PRKCB: variants seen among roughly 807,000 people sequenced by gnomAD.
The protein encoded by PRKCB is protein kinase C beta.
In PRKCB, 13 loss-of-function variants were observed where a neutral mutation model predicts 81.5. That is an observed-to-expected ratio of 0.16 (90% CI 0.10 to 0.25). The LOEUF is 0.25. Ranked by LOEUF, PRKCB falls within the 10% of genes least tolerant of loss-of-function variation. PRKCB has a pLI of 1.00. For synonymous variants in PRKCB, 335 were observed against 321.4 expected, an observed-to-expected ratio of 1.04 and a Z score of -0.45; for missense variants, 509 against 875.7, an observed-to-expected ratio of 0.58 and a Z score of 5.29.
Position 24,214,886 on chromosome 16 carries a change from T to A in PRKCB, c.*70T>A. ...AACGGCTATTGTGGTGACATTTTTA[T>A]GTTTTTCATTGCCAAGTTGCATCCA... On this transcript the variant is annotated 3_prime_UTR_variant, in exon 17 of 17. Coordinates refer to ENST00000643927, the MANE Select transcript of PRKCB (RefSeq NM_002738.7). 1 of 1,571,426 alleles carries A rather than the reference T, an allele frequency of 6.4e-7. No homozygotes were observed. The highest frequency in any genetic ancestry group is 8.6e-7 in the Non-Finnish European group (1 of 1,159,110).
At chr16:23,966,562 G>T (rs906860354) in intron 2 of PRKCB, among the ~76,000 whole-genome samples, 2 of 152,058 alleles carry the variant, frequency 1.3e-5, no homozygotes, top group African/African-American at 2.4e-5. Flanking sequence ...TTATCCCTTC[G>T]AATCTAAAAT....
intron 9 of PRKCB, among the ~76,000 whole-genome samples, chr16:24,130,024 C>T (rs912283702): frequency 1.3e-5 from 2 of 152,184 alleles, no homozygotes; most frequent in East Asian, 1.9e-4. Flanking sequence ...CGTCCATCAA[C>T]GCTTTTTTAA....
intron 2 of PRKCB, among the ~76,000 whole-genome samples, chr16:23,921,442 G>A (rs1963823181): frequency 6.6e-6 from 1 of 152,190 alleles, no homozygotes; most frequent in South Asian, 2.1e-4. Flanking sequence ...TCGGTCTCGT[G>A]AGGAGACAGC....
chr16:23,996,031 C>A (rs543123202), intron 3 of PRKCB, among the ~76,000 whole-genome samples: 1 of 152,010 alleles, frequency 6.6e-6, no homozygotes, highest in African/African-American at 2.4e-5. Context: ...AGTGGCCATA[C>A]ATGTGACTAT....
chr16:24,185,234 C>A lies in PRKCB; in HGVS notation c.1614+43C>A, dbSNP rs372943275. On this transcript the variant is annotated intron_variant, in intron 14 of 16. Coordinates refer to ENST00000643927, the MANE Select transcript of PRKCB (RefSeq NM_002738.7). Reference sequence around the variant, plus strand: ...GATCGATAAGAGAAGTCCTCCCTACCCCCATCCACATGGTTTCTTTAGGAG... The same window carrying A: ...GATCGATAAGAGAAGTCCTCCCTACACCCATCCACATGGTTTCTTTAGGAG... 1.1e-4 allele frequency: 168 copies of A among 1,543,380 alleles called. No individual in the cohort carries two copies. The Middle Eastern group carries it at 4.9e-3, about 45-fold the overall frequency.
chr16:24,031,897 G>C, intron 3 of PRKCB: 2 of 343,922 alleles, frequency 5.8e-6, no homozygotes, highest in Non-Finnish European at 1.1e-5. Flanking sequence ...TGCAGGCAGG[G>C]TGAGTGAGCA....
chr16:24,105,664 A>T (rs865800656), intron 7 of PRKCB, among the ~76,000 whole-genome samples: 1 of 152,118 alleles, frequency 6.6e-6, no homozygotes, highest in Non-Finnish European at 1.5e-5. Flanking sequence ...GCTGAGAATG[A>T]TGGTTTCCAG....
chr16:24,174,804 A>G (rs750885251), intron 12 of PRKCB: 16 of 478,102 alleles, frequency 3.3e-5, no homozygotes, highest in Non-Finnish European at 5.6e-5. Flanking sequence ...GTCACCAATG[A>G]TGGTTCAGAG....
chr16:24,046,939 A>AT (rs1231972404), intron 5 of PRKCB, among the ~76,000 whole-genome samples: 1 of 152,206 alleles, frequency 6.6e-6, no homozygotes, highest in African/African-American at 2.4e-5. Context: ...GTGTGGTAGC[A>AT]TGTGGCTATG....
intron 16 of PRKCB, among the ~76,000 whole-genome samples, chr16:24,191,945 T>C (rs1967799977): frequency 6.6e-6 from 1 of 152,244 alleles, no homozygotes; most frequent in Admixed American, 6.5e-5. Context: ...AGTTTACACC[T>C]GAATTAATCA....
chr16:23,842,430 G>C (rs1962283497), intron 2 of PRKCB, among the ~76,000 whole-genome samples: 1 of 152,176 alleles, frequency 6.6e-6, no homozygotes, highest in African/African-American at 2.4e-5. Context: ...GTTCATTCTG[G>C]AACTTGTTAA....
At chr16:24,074,203 G>A (rs11648535) in intron 5 of PRKCB, among the ~76,000 whole-genome samples, 17,634 of 152,172 alleles carry the variant, frequency 0.12, 1,806 homozygotes, top group African/African-American at 0.27. Flanking sequence ...TAGAATGTGT[G>A]ACCATGGTTA....
chr16:23,964,098 A>G (rs974574939), intron 2 of PRKCB, among the ~76,000 whole-genome samples: 2 of 152,344 alleles, frequency 1.3e-5, no homozygotes, highest in South Asian at 4.1e-4. Flanking sequence ...ATGTGTGCCT[A>G]CTGAGATATA....
intron 5 of PRKCB, among the ~76,000 whole-genome samples, chr16:24,041,065 T>C (rs1965691524): frequency 6.6e-6 from 1 of 151,298 alleles, no homozygotes; most frequent in Non-Finnish European, 1.5e-5. Flanking sequence ...TTTTTTTGTG[T>C]GTGTGTGACA....
intron 7 of PRKCB, among the ~76,000 whole-genome samples, chr16:24,103,387 G>A (rs888650244): frequency 6.6e-6 from 1 of 152,106 alleles, no homozygotes; most frequent in African/African-American, 2.4e-5. Context: ...GTGCTTTCAA[G>A]TTAGAGAATA....
chr16:24,110,169 G>GAGGGAGAGT (rs1966656852), intron 7 of PRKCB, among the ~76,000 whole-genome samples: 1 of 109,152 alleles, frequency 9.2e-6, no homozygotes, highest in Non-Finnish European at 1.8e-5. Context: ...GGAGGGAGAG[G>GAGGGAGAGT]GAGAGGGAGA....
intron 2 of PRKCB, among the ~76,000 whole-genome samples, chr16:23,839,675 C>T (rs1962233712): frequency 6.6e-6 from 1 of 152,092 alleles, no homozygotes; most frequent in Non-Finnish European, 1.5e-5. Flanking sequence ...CAGGCAAGTC[C>T]CTGTCGGTCT....
chr16:24,028,409 A>G (rs1371040226), intron 3 of PRKCB, among the ~76,000 whole-genome samples: 1 of 152,364 alleles, frequency 6.6e-6, no homozygotes, highest in Non-Finnish European at 1.5e-5. Context: ...TTTTAAAAAT[A>G]TAAAGTAAAA....
At chr16:23,883,718 G>A (rs1376711262) in intron 2 of PRKCB, among the ~76,000 whole-genome samples, 1 of 152,098 alleles carries the variant, frequency 6.6e-6, no homozygotes, top group Admixed American at 6.6e-5. Flanking sequence ...TGGTAAATGG[G>A]ATATGAATTG....
Sources: gnomAD v4.1 joint callset for allele counts (sites outside exome capture counted in the v4.1 genomes callset) on GRCh38, gnomAD v4.1.1 for gene constraint, MANE v1.5 for transcripts, NCBI Gene and HGNC (gene_info 2026-07-23, HGNC 2026-07-21) for gene names.